Variants in DAB2IP observed in about 807,000 individuals in gnomAD.
The protein encoded by DAB2IP is DAB2 interacting protein.
DAB2IP carries 28 observed loss-of-function variants against 107.2 expected under a neutral mutation model. The observed-to-expected ratio is 0.26, with a 90% CI of 0.19 to 0.36. The LOEUF is 0.36. Among genes scored for constraint, DAB2IP ranks in the 10% least tolerant of loss-of-function variants. The pLI, the probability that DAB2IP is intolerant of heterozygous loss-of-function variation, is 1.00. For missense variants in DAB2IP, 1,400 were observed against 1,644.7 expected, an observed-to-expected ratio of 0.85 and a Z score of 2.57; for synonymous variants, 755 against 706.4, an observed-to-expected ratio of 1.07 and a Z score of -1.09.
chr9:121,641,966 C>A (rs1459357179), intron 1 of DAB2IP, among the ~76,000 whole-genome samples: 1 of 110,048 alleles, frequency 9.1e-6, no homozygotes, highest in African/African-American at 3.8e-5. Flanking sequence ...TTCTTTCTCT[C>A]TCTCTCTTTC....
chr9:121,769,764 C>T (rs893725636), intron 10 of DAB2IP, among the ~76,000 whole-genome samples: 5 of 152,214 alleles, frequency 3.3e-5, no homozygotes, highest in African/African-American at 1.2e-4. Context: ...CTGTCACTGC[C>T]ACCACTTACC....
rs191589032 is a variant in DAB2IP, at chr9:121,781,050, C to T, written c.3315-414C>T. On this transcript the variant is annotated intron_variant, in intron 14 of 15. Transcript: ENST00000408936. Reference sequence around the variant, plus strand: ...CTAGAGTTCATTCATCTTGGCACCTCGCGTACAACTTTGTGAAGATGGCGG... The same window carrying T: ...CTAGAGTTCATTCATCTTGGCACCTTGCGTACAACTTTGTGAAGATGGCGG... 4.6e-5 allele frequency among the ~76,000 whole-genome samples: 7 copies of T among 152,338 alleles called. No individual in the cohort carries two copies. The South Asian group carries it at 6.2e-4, about 14-fold the overall frequency.
At chr9:121,668,604 T>C (rs1833544917) in intron 1 of DAB2IP, among the ~76,000 whole-genome samples, 1 of 152,196 alleles carries the variant, frequency 6.6e-6, no homozygotes, top group Non-Finnish European at 1.5e-5. Flanking sequence ...TTCTATTCTT[T>C]TCTCTTCAGA....
At position 121,782,839 on chromosome 9, in the gene DAB2IP, A is replaced by G; in HGVS notation, c.*341A>G. 5 of 1,109,492 alleles carry G rather than the reference A, an allele frequency of 4.5e-6. No individual in the cohort carries two copies. The highest frequency in any genetic ancestry group is 5.5e-6 in the Non-Finnish European group (5 of 906,778). The allele number at this position is 1,109,492 out of a possible 1,614,324, so 68.7% of individuals were successfully genotyped here. On this transcript the variant is annotated 3_prime_UTR_variant, in exon 16 of 16. Coordinates refer to ENST00000408936, the Ensembl canonical transcript of DAB2IP. The surrounding 1 kb of genome is among the most constrained non-coding windows in gnomAD (Gnocchi z 6.1). ...TGTCCTCCTGGATCTGGCCGAGTGC[A>G]TGTGTCCCCCCACACCTGTGCCAGG...
chr9:121,732,376 G>A (rs1468157396), intron 3 of DAB2IP, among the ~76,000 whole-genome samples: 1 of 152,166 alleles, frequency 6.6e-6, no homozygotes, highest in Non-Finnish European at 1.5e-5. Context: ...TGGAGAAAAG[G>A]TTCCAGGATT....
chr9:121,585,542 T>C (rs766039107), intron 1 of DAB2IP, among the ~76,000 whole-genome samples: 2 of 152,054 alleles, frequency 1.3e-5, no homozygotes, highest in East Asian at 1.9e-4. Context: ...CAAGGAGAGA[T>C]GGTAGAAATG....
At chr9:121,731,431 C>T (rs1238965385) in intron 3 of DAB2IP, among the ~76,000 whole-genome samples, 4 of 152,210 alleles carry the variant, frequency 2.6e-5, no homozygotes, top group Non-Finnish European at 5.9e-5. Context: ...TGGGAGGAAA[C>T]CAAAGCAGAG....
At position 121,622,478 on chromosome 9, in the gene DAB2IP, G is replaced by T. The variant is rs116056004; in HGVS notation, c.40+55250G>T. On this transcript the variant is annotated intron_variant, in intron 1 of 16. Transcript: ENST00000259371. ...ATGGGGACCTCCAATACCTGACACAGGGCAGAATTCTATTCCTTGTGACTC... is the reference window on the plus strand; with the variant it reads ...ATGGGGACCTCCAATACCTGACACATGGCAGAATTCTATTCCTTGTGACTC... Among the ~76,000 whole-genome samples the T allele has an allele frequency of 2.4e-3, 370 of 152,296 alleles. 3 individuals carry two copies. Among genetic ancestry groups the T allele is most frequent in the African/African-American group, 8.6e-3 (356 of 41,566 alleles).
In DAB2IP at chr9:121,676,411, T is replaced by G. The variant is rs1589497069; in HGVS notation, c.125-2267T>G. Among the ~76,000 whole-genome samples, 3 of 152,186 alleles carry G rather than the reference T, an allele frequency of 2.0e-5. No individual in the cohort carries two copies. In the South Asian group the frequency reaches 6.2e-4, roughly 31 times the overall value. Reference sequence around the variant, plus strand: ...GTCTGGGAGTGTACACATTGGAGTATCTGCATGAATATAAACATGCACATG... The same window carrying G: ...GTCTGGGAGTGTACACATTGGAGTAGCTGCATGAATATAAACATGCACATG... On this transcript the variant is annotated intron_variant, in intron 1 of 15. Transcript: ENST00000408936.
chr9:121,596,243 A>G lies in DAB2IP; in HGVS notation c.40+29015A>G, dbSNP rs188491407. On this transcript the variant is annotated intron_variant, in intron 1 of 16. Coordinates refer to the DAB2IP transcript ENST00000259371. ...CTACTCGGGAGACTGAGACAGGAGA[A>G]TCTCTTGAACCCAGGAGACAGAGGT... Among the ~76,000 whole-genome samples, 183 of 152,330 alleles carry G rather than the reference A, an allele frequency of 1.2e-3. 2 individuals are homozygous for G. The highest frequency in any genetic ancestry group is 4.2e-3 in the African/African-American group (174 of 41,576).
chr9:121,754,938 T>G lies in DAB2IP; in HGVS notation c.363-2075T>G, dbSNP rs565043444. 4.1e-4 allele frequency among the ~76,000 whole-genome samples: 63 copies of G among 152,216 alleles called. No homozygotes were observed. In the South Asian group the frequency reaches 0.011, roughly 27 times the overall value. ...CCACCCTCCCTGGCTCCCAGCATCCTTACCTGGCAGAGATTTTCCAAGCTA... is the reference window on the plus strand; with the variant it reads ...CCACCCTCCCTGGCTCCCAGCATCCGTACCTGGCAGAGATTTTCCAAGCTA... On this transcript the variant is annotated intron_variant, in intron 3 of 15. Transcript: ENST00000408936.
Position 121,760,300 on chromosome 9 carries a change from T to C in DAB2IP, c.1031T>C (p.Met344Thr). Residue 344 changes from methionine (M) to threonine (T), a missense_variant, in exon 6 of 16, where the codon ATG (methionine) becomes ACG (threonine). Coordinates refer to ENST00000408936, the Ensembl canonical transcript of DAB2IP. This position sits in a 1 kb window ranked among gnomAD's most constrained non-coding sequence, Gnocchi z 5.9. ...ACCATCACCATCCTGCCCATGGAGATGTACAAAGAGTTCGCTGAGCACATC... is the reference window on the plus strand; with the variant it reads ...ACCATCACCATCCTGCCCATGGAGACGTACAAAGAGTTCGCTGAGCACATC... 1 of 1,613,860 alleles carries C rather than the reference T, an allele frequency of 6.2e-7. No homozygotes were observed. Among genetic ancestry groups the C allele is most frequent in the Non-Finnish European group, 8.5e-7 (1 of 1,180,016 alleles).
chr9:121,683,362 G>T (rs1385340820), intron 2 of DAB2IP, among the ~76,000 whole-genome samples: 3 of 151,946 alleles, frequency 2.0e-5, no homozygotes, highest in Non-Finnish European at 4.4e-5. Flanking sequence ...TTGCGGGCTG[G>T]GTCCTTCCTC....
chr9:121,654,632 C>T (rs1832900698), intron 1 of DAB2IP, among the ~76,000 whole-genome samples: 1 of 152,172 alleles, frequency 6.6e-6, no homozygotes, highest in African/African-American at 2.4e-5. Flanking sequence ...GAGCCACAAC[C>T]ACCACCTGAG....
At chr9:121,627,985 G>A (rs147262390) in intron 1 of DAB2IP, among the ~76,000 whole-genome samples, 49 of 152,260 alleles carry the variant, frequency 3.2e-4, no homozygotes, top group Non-Finnish European at 5.4e-4. Context: ...TGTGGGTCTC[G>A]TCAGGCTTGG....
At chr9:121,764,702 C>T (rs911570477) in intron 8 of DAB2IP, among the ~76,000 whole-genome samples, 1 of 152,310 alleles carries the variant, frequency 6.6e-6, no homozygotes, top group Middle Eastern at 3.4e-3. Flanking sequence ...CCCAAGCCTC[C>T]GTCCACAGCC....
chr9:121,667,510 G>A (rs1833494628), intron 1 of DAB2IP, among the ~76,000 whole-genome samples: 1 of 151,332 alleles, frequency 6.6e-6, no homozygotes, highest in Non-Finnish European at 1.5e-5. Context: ...CTTTTTTTTA[G>A]ACAGAGTTTC....
intron 10 of DAB2IP, among the ~76,000 whole-genome samples, chr9:121,770,177 AG>A (rs1834605410): frequency 6.6e-6 from 1 of 152,132 alleles, no homozygotes; most frequent in Non-Finnish European, 1.5e-5. Flanking sequence ...GTGATGTGAG[AG>A]GGGCTGTCAC....
chr9:121,673,545 G>C (rs933782578), intron 1 of DAB2IP, among the ~76,000 whole-genome samples: 1 of 152,150 alleles, frequency 6.6e-6, no homozygotes, highest in African/African-American at 2.4e-5. Flanking sequence ...ACAAAGCCCA[G>C]TATACACACA....
Sources: gnomAD v4.1 joint callset for allele counts (sites outside exome capture counted in the v4.1 genomes callset) on GRCh38, gnomAD v4.1.1 for gene constraint, Gnocchi (gnomAD v3.1) non-coding constraint, MANE v1.5 for transcripts, NCBI Gene and HGNC (gene_info 2026-07-23, HGNC 2026-07-21) for gene names.